The following TULP4 variants were observed in gnomAD, a reference collection of about 807,000 sequenced individuals.
TULP4 encodes TUB like protein 4.
A neutral mutation model predicts 129.0 loss-of-function variants in TULP4; 16 were observed. The observed-to-expected ratio is 0.12, with a 90% confidence interval of 0.08 to 0.19. The LOEUF is 0.19. Among genes scored for constraint, TULP4 ranks in the 10% least tolerant of loss-of-function variants. The pLI is 1.00. For synonymous variants in TULP4, 998 were observed against 854.0 expected (o/e 1.17, Z -2.94); for missense variants, 1,842 against 2,059.1 (o/e 0.89, Z 2.04).
intron 6 of TULP4, 139 bp from the exon 7 acceptor site, chr6:158,479,611 TA>T: frequency 1.3e-6 from 1 of 771,292 alleles, no homozygotes; most frequent in Non-Finnish European, 2.0e-6. Context: ...ATATAGTGTC[TA>T]ACATTCTCTA....
chr6:158,250,315 A>C (rs1050986824), intron 1 of TULP4, among the ~76,000 whole-genome samples: 3 of 151,426 alleles, frequency 2.0e-5, no homozygotes, highest in African/African-American at 7.3e-5. Context: ...CTGCCACCAC[A>C]CCCAGCTAAT....
chr6:158,428,168 A>C (rs1185705781), intron 2 of TULP4: 2 of 152,202 alleles, frequency 1.3e-5, no homozygotes, highest in African/African-American at 4.8e-5. Context: ...AAATTGAATA[A>C]GTGGTTAATA....
At chr6:158,504,256 C>G in intron 13 of TULP4, 78 bp downstream of exon 13, 1 of 1,191,100 alleles carries the variant, frequency 8.4e-7, no homozygotes, top group South Asian at 1.6e-5. Context: ...GAGCATTTTT[C>G]AAAAGGCCAA....
upstream of TULP4, among the ~76,000 whole-genome samples, chr6:158,278,931 GTTT>G (rs1389156177): frequency 1.0e-5 from 1 of 96,040 alleles, no homozygotes; most frequent in Non-Finnish European, 2.0e-5. Context: ...CATAGTTGTT[GTTT>G]TTTTTTGTTT....
In TULP4 at chr6:158,509,304, CTT is replaced by C. The variant is rs202187400; in HGVS notation, c.*2618_*2619del. On this transcript the variant is annotated 3_prime_UTR_variant, in exon 14 of 14. Coordinates refer to ENST00000367097, the MANE Select transcript of TULP4 (RefSeq NM_020245.5). ...TGTTATTGATTATATACAAAGGAGA[CTT>C]TTTTTTTGAGATAACACTCAAATAG... The C allele has an allele frequency of 4.0e-5, 6 of 151,026 alleles. No homozygotes were observed. The South Asian group carries it at 1.3e-3, about 32-fold the overall frequency. The allele number at this position is 151,026 out of a possible 1,614,324, so 9.4% of individuals were successfully genotyped here. A position where few individuals can be genotyped will look rare whatever the true frequency, so the allele number is the denominator to read the frequency against.
At chr6:158,403,371 C>T (rs1777897163) in intron 1 of TULP4, among the ~76,000 whole-genome samples, 1 of 152,140 alleles carries the variant, frequency 6.6e-6, no homozygotes, top group Non-Finnish European at 1.5e-5. Flanking sequence ...CGGAGTTTCG[C>T]TCTTGTTGCC....
rs145594202 is a variant in TULP4, at chr6:158,486,508, G to A, written c.1487-3080G>A. 2.4e-3 allele frequency among the ~76,000 whole-genome samples: 369 copies of A among 152,088 alleles called. 1 individual carries two copies. The highest frequency in any genetic ancestry group is 8.2e-3 in the African/African-American group (342 of 41,484). The stretch of plus-strand genomic sequence containing the variant: ...GCGGAGCTTGCAGTGAGCCGAGATC[G>A]CGCCACTGCACTCCAGCCTGGGTGA... On this transcript the variant is annotated intron_variant, in intron 8 of 13. Transcript: ENST00000367097.
At position 158,248,245 on chromosome 6, in the gene TULP4, C is replaced by G. The variant is rs542249592; in HGVS notation, n.68+15942C>G. Among the ~76,000 whole-genome samples the G allele has an allele frequency of 4.0e-5, 6 of 151,648 alleles. No individual in the cohort carries two copies. The South Asian group carries it at 1.2e-3, about 32-fold the overall frequency. ...TCATTTGAATGCAGGAGTTGGAGACCAGCCTGGACAACATAGCCAGGCCTC... is the reference window on the plus strand; with the variant it reads ...TCATTTGAATGCAGGAGTTGGAGACGAGCCTGGACAACATAGCCAGGCCTC... On this transcript the variant is annotated intron_variant and non_coding_transcript_variant, in intron 1 of 1. Coordinates refer to the TULP4 transcript ENST00000620026.
intron 1 of TULP4, among the ~76,000 whole-genome samples, chr6:158,246,020 A>AC (rs1583671517): frequency 9.7e-6 from 1 of 102,918 alleles, no homozygotes; most frequent in East Asian, 3.5e-4. Context: ...CCTACCCCTT[A>AC]GGGGTGTGTG....
intron 1 of TULP4, among the ~76,000 whole-genome samples, chr6:158,370,010 A>G (rs1486000959): frequency 1.3e-5 from 2 of 151,286 alleles, no homozygotes; most frequent in Non-Finnish European, 2.9e-5. Flanking sequence ...GTCTCAAACT[A>G]GGGCAGCATG....
At chr6:158,394,510 G>A (rs968262162) in intron 1 of TULP4, among the ~76,000 whole-genome samples, 8 of 151,982 alleles carry the variant, frequency 5.3e-5, no homozygotes, top group African/African-American at 1.5e-4. Context: ...ATGGCTGGGC[G>A]CGGTGGCTCA....
chr6:158,419,509 G>T (rs1371265691), intron 2 of TULP4, among the ~76,000 whole-genome samples: 2 of 152,144 alleles, frequency 1.3e-5, no homozygotes, highest in African/African-American at 2.4e-5. Context: ...AATGTAAATG[G>T]ATTAAATTTA....
At position 158,484,320 on chromosome 6, in the gene TULP4, C is replaced by CT. The variant is rs35602009; in HGVS notation, c.1486+3042dup. Among the ~76,000 whole-genome samples, 529 of 140,710 alleles carry CT rather than the reference C, an allele frequency of 3.8e-3. 1 individual carries two copies. The highest frequency in any genetic ancestry group is 0.011 in the African/African-American group (409 of 38,330). 92.3% of individuals were successfully genotyped at this position (140,710 alleles called of 152,430 possible). On this transcript the variant is annotated intron_variant, in intron 8 of 13. Transcript: ENST00000367097. ...AGTGCAGTGGTATGATCATAGTGCACTTTTTTTTTTTGTAGAGACAGGGTC... is the reference window on the plus strand; with the variant it reads ...AGTGCAGTGGTATGATCATAGTGCACTTTTTTTTTTTTGTAGAGACAGGGTC...
rs374635769 is a variant in TULP4 at position 158,274,772 on chromosome 6, G to A, written n.69-37279G>A. ...AGCCTGGGCAACAGAGCGAGACTCC[G>A]TCTCAAAAACAAAAAACAAAAAACC... On this transcript the variant is annotated intron_variant and non_coding_transcript_variant, in intron 1 of 1. Transcript: ENST00000620026. Among the ~76,000 whole-genome samples, 10 of 152,062 alleles carry A rather than the reference G, an allele frequency of 6.6e-5. No individual in the cohort carries two copies. In the East Asian group the frequency reaches 1.2e-3, roughly 18 times the overall value.
At chr6:158,486,396 A>C (rs966652656) in intron 8 of TULP4, among the ~76,000 whole-genome samples, 1 of 152,104 alleles carries the variant, frequency 6.6e-6, no homozygotes, top group Non-Finnish European at 1.5e-5. Flanking sequence ...TACTAAAAAT[A>C]TAAAAAATTA....
intron 1 of TULP4, among the ~76,000 whole-genome samples, chr6:158,359,738 C>T (rs1780725306): frequency 6.6e-6 from 1 of 152,114 alleles, no homozygotes; most frequent in African/African-American, 2.4e-5. Context: ...TCCTTCAGTC[C>T]AATCAAGTTG....
At chr6:158,271,666 G>A (rs909986807) in intron 1 of TULP4, among the ~76,000 whole-genome samples, 3 of 152,096 alleles carry the variant, frequency 2.0e-5, no homozygotes, top group Non-Finnish European at 4.4e-5. Flanking sequence ...CTGAGTTCAA[G>A]CCATCCTCCT....
At chr6:158,248,818 A>G (rs1408534964) in intron 1 of TULP4, among the ~76,000 whole-genome samples, 1 of 152,150 alleles carries the variant, frequency 6.6e-6, no homozygotes. Context: ...TGAGAGAAAG[A>G]GGTTTAAAGA....
intron 9 of TULP4, among the ~76,000 whole-genome samples, chr6:158,490,436 T>C (rs996467405): frequency 5.9e-5 from 9 of 152,186 alleles, no homozygotes; most frequent in African/African-American, 2.2e-4. Context: ...AATGCCGTAA[T>C]TGGGAAACAT....
Sources: allele counts gnomAD v4.1 joint callset (sites outside exome capture counted in the v4.1 genomes callset), GRCh38; gene constraint gnomAD v4.1.1; transcripts MANE v1.5; gene names NCBI Gene and HGNC (gene_info 2026-07-23, HGNC 2026-07-21).